The following MLLT6 variants were observed in gnomAD, a reference collection of about 807,000 sequenced individuals.
MLLT6 encodes protein AF-17.
Under a neutral mutation model 103.0 loss-of-function variants are expected in MLLT6, and 22 were observed. The observed-to-expected ratio is 0.21, with a 90% confidence interval of 0.15 to 0.31. MLLT6 has a LOEUF of 0.31. MLLT6 is among the 10% of genes least tolerant of loss of function. The probability of loss-of-function intolerance (pLI) is 1.00; values close to 1 mark genes in which losing one functional copy is unlikely to be tolerated. For synonymous variants in MLLT6, 606 were observed against 623.5 expected (o/e 0.97, Z 0.42); for missense variants, 1,199 against 1,441.7 (o/e 0.83, Z 2.73).
intron 4 of MLLT6, 44 bp downstream of exon 4, chr17:38,707,916 T>A: frequency 8.4e-7 from 1 of 1,196,928 alleles, no homozygotes; most frequent in Non-Finnish European, 1.2e-6. Context: ...CCCTCCCATC[T>A]ATGGGTTCCT....
chr17:38,719,047 AGCTGCAGTCATTAAGG>A (rs1905519590), intron 12 of MLLT6: 1 of 202,082 alleles, frequency 4.9e-6, no homozygotes, highest in Admixed American at 5.7e-5. Flanking sequence ...TTATGATAAT[AGCTGCAGTCATTAAGG>A]GCTTGCTACA....
Position 38,716,270 on chromosome 17 carries a change from T to C in MLLT6, c.1037-97T>C. 2.3e-6 allele frequency: 3 copies of C among 1,311,466 alleles called. No homozygotes were observed. Among genetic ancestry groups the C allele is most frequent in the Non-Finnish European group, 3.2e-6 (3 of 944,258 alleles). 81.2% of individuals were successfully genotyped at this position (1,311,466 alleles called of 1,614,324 possible). A position where few individuals can be genotyped will look rare whatever the true frequency, so the allele number is the denominator to read the frequency against. ...TGAGACAGGAAACCAGGCATCCCCA[T>C]TCGTGGACCAGAGCTCTCTCCCGCC... is the stretch of plus-strand genomic sequence containing the variant. On this transcript the variant is annotated intron_variant, in intron 9 of 19. Transcript: ENST00000621332. The surrounding 1 kb of genome is among the most constrained non-coding windows in gnomAD (Gnocchi z 5.6).
In MLLT6 at chr17:38,709,439, T is replaced by G. The variant is rs1168155262; in HGVS notation, c.459-43T>G. ...GAGGGTGAGAGGAAGGTGGCTCATG[T>G]GATCTGTGGCCTCAGCCGTCTCAGG... On this transcript the variant is annotated intron_variant, in intron 5 of 19. Transcript: ENST00000621332. The surrounding 1 kb of genome is among the most constrained non-coding windows in gnomAD (Gnocchi z 4.3). 1.3e-6 allele frequency: 2 copies of G among 1,558,162 alleles called. No individual in the cohort carries two copies. Among genetic ancestry groups the G allele is most frequent in the Non-Finnish European group, 1.8e-6 (2 of 1,129,014 alleles).
Position 38,726,242 on chromosome 17 carries a change from G to A in MLLT6, c.*644G>A, listed in dbSNP as rs1320615159. The A allele has an allele frequency of 2.1e-5, 5 of 234,058 alleles. No individual in the cohort carries two copies. Among genetic ancestry groups the A allele is most frequent in the Non-Finnish European group, 4.2e-5 (5 of 118,396 alleles). The allele number at this position is 234,058 out of a possible 1,614,324, so 14.5% of individuals were successfully genotyped here. On this transcript the variant is annotated 3_prime_UTR_variant, in exon 20 of 20. Transcript: ENST00000621332. Reference sequence around the variant, plus strand: ...TCTTGGGGCCCCGTGATGGGGAGGAGAGGGCAGGTGCGGGGAGGCTCTGGC... The same window carrying A: ...TCTTGGGGCCCCGTGATGGGGAGGAAAGGGCAGGTGCGGGGAGGCTCTGGC...
chr17:38,716,559 C>T lies in MLLT6; in HGVS notation c.1229C>T (p.Ser410Phe). The change falls in exon 10 of 20, where the codon TCC becomes TTC. Residue 410 changes from serine (S) to phenylalanine (F), a missense_variant. Transcript: ENST00000621332. The surrounding 1 kb of genome is among the most constrained non-coding windows in gnomAD (Gnocchi z 5.6). The stretch of plus-strand genomic sequence containing the variant: ...GGCTTTGGGCCCATCATGCGCTTCT[C>T]CACCACCACCTCCAGCTCAGGCCGG... Reference protein sequence around the residue: ...FSGFGPIMRFSTTTSSSGRAR... With the variant: ...FSGFGPIMRFFTTTSSSGRAR... The T allele has an allele frequency of 6.2e-7, 1 of 1,614,140 alleles. No individual in the cohort carries two copies. The highest frequency in any genetic ancestry group is 8.5e-7 in the Non-Finnish European group (1 of 1,180,028).
rs938770516 is a variant in MLLT6 at position 38,724,402 on chromosome 17, T to C, written c.2884-218T>C. 7.8e-6 allele frequency: 4 copies of C among 512,470 alleles called. No homozygotes were observed. The highest frequency in any genetic ancestry group is 5.9e-5 in the African/African-American group (3 of 51,110). 31.7% of individuals were successfully genotyped at this position (512,470 alleles called of 1,614,324 possible). On this transcript the variant is annotated intron_variant, in intron 18 of 19. Transcript: ENST00000621332. This position sits in a 1 kb window ranked among gnomAD's most constrained non-coding sequence, Gnocchi z 5.4. ...ATACCCTGCTGTTGGCCGGCAGTGC[T>C]GCAGCTGGCAAATACCAATGGCGTG...
chr17:38,708,791 A>G (rs1905037183), intron 4 of MLLT6, among the ~76,000 whole-genome samples: 1 of 152,156 alleles, frequency 6.6e-6, no homozygotes, highest in African/African-American at 2.4e-5. Context: ...GCTACTCGGG[A>G]GGTTGAGGCA....
At chr17:38,719,974 C>T (rs1905610458) in intron 14 of MLLT6, 79 bp downstream of exon 14, 1 of 1,472,818 alleles carries the variant, frequency 6.8e-7, no homozygotes, top group Non-Finnish European at 9.0e-7. Context: ...CCCCAAGCTT[C>T]TTTAAGGTTC....
chr17:38,705,756 C>CGCGGGGGGCG lies in MLLT6; in HGVS notation c.109+21_109+30dup, dbSNP rs780639028. ...CGTCCACCAAGGTACGGGGGTGGCC[C>CGCGGGGGGCG]GCGGGGGGCGGCGGGACCCCGGGGG... On this transcript the variant is annotated intron_variant, in intron 1 of 19. Coordinates refer to ENST00000621332, the MANE Select transcript of MLLT6 (RefSeq NM_005937.4). 3.0e-6 allele frequency: 4 copies of CGCGGGGGGCG among 1,318,944 alleles called. No homozygotes were observed. The highest frequency in any genetic ancestry group is 3.0e-6 in the Non-Finnish European group (3 of 1,010,846). 81.7% of individuals were successfully genotyped at this position (1,318,944 alleles called of 1,614,324 possible). A position where few individuals can be genotyped will look rare whatever the true frequency, so the allele number is the denominator to read the frequency against.
intron 7 of MLLT6, 194 bp downstream of exon 7, chr17:38,712,208 C>A: frequency 2.7e-6 from 2 of 737,518 alleles, no homozygotes; most frequent in Non-Finnish European, 3.3e-6. Context: ...TTCCCTGTGG[C>A]TGTGTTAGTG....
chr17:38,711,861 C>G lies in MLLT6; in HGVS notation c.567C>G (p.His189Gln). 1.3e-6 allele frequency: 2 copies of G among 1,576,478 alleles called. No homozygotes were observed. Among genetic ancestry groups the G allele is most frequent in the Non-Finnish European group, 1.7e-6 (2 of 1,161,420 alleles). ...CTCTCCCGCAGAAGACATCCCGGCA[C>G]AGCAGCGGGGGAGGCGGAGGAGGCG... The part of the protein sequence containing the change: ...YHFSKMKTSR[H>Q]SSGGGGGGAG... The change falls in exon 7 of 20, where the codon CAC (histidine) becomes CAG (glutamine). Residue 189 changes from histidine to glutamine, a missense_variant. Around this residue, in one of 7 missense-constraint regions of MLLT6, gnomAD observed 1,034 missense variants for 1,091.5 expected, o/e 0.95. Coordinates refer to ENST00000621332, the MANE Select transcript of MLLT6 (RefSeq NM_005937.4).
chr17:38,708,615 G>C (rs150257952), intron 4 of MLLT6, among the ~76,000 whole-genome samples: 1 of 152,224 alleles, frequency 6.6e-6, no homozygotes, highest in African/African-American at 2.4e-5. Context: ...ATTAAAAGCA[G>C]GCTGGGTGTG....
chr17:38,718,689 G>A (rs1306845527), intron 12 of MLLT6: 3 of 152,322 alleles, frequency 2.0e-5, no homozygotes, highest in Admixed American at 2.0e-4. Flanking sequence ...CCTTGGCTTC[G>A]TAGTGTGTCT....
In MLLT6 at chr17:38,725,911, C is replaced by T. The variant is rs565164296; in HGVS notation, c.*313C>T. 12 of 405,664 alleles carry T rather than the reference C, an allele frequency of 3.0e-5. No homozygotes were observed. The highest frequency in any genetic ancestry group is 6.0e-4 in the Middle Eastern group (1 of 1,654). The allele number at this position is 405,664 out of a possible 1,614,324, so 25.1% of individuals were successfully genotyped here. On this transcript the variant is annotated 3_prime_UTR_variant, in exon 20 of 20. Transcript: ENST00000621332. ...GGTCCCCCCAGAGAGCAGAGTGGGCCATGGCAGAAGTAGGGGGTTGGTTGG... is the reference window on the plus strand; with the variant it reads ...GGTCCCCCCAGAGAGCAGAGTGGGCTATGGCAGAAGTAGGGGGTTGGTTGG...
At chr17:38,717,785 C>G (rs1196296109) in intron 11 of MLLT6, 60 bp from the exon 12 acceptor site, 2 of 1,461,626 alleles carry the variant, frequency 1.4e-6, no homozygotes, top group Non-Finnish European at 1.9e-6. Flanking sequence ...CACCCCGGTA[C>G]ACACAGTTGT....
At chr17:38,711,550 C>T (rs926139631) in intron 6 of MLLT6, among the ~76,000 whole-genome samples, 1 of 152,112 alleles carries the variant, frequency 6.6e-6, no homozygotes, top group Admixed American at 6.5e-5. Flanking sequence ...GAATGAAAGA[C>T]CCGGGCCCCA....
At position 38,725,852 on chromosome 17, in the gene MLLT6, G is replaced by A. The variant is rs35645098; in HGVS notation, c.*254G>A. The A allele has an allele frequency of 6.2e-6, 3 of 480,510 alleles. No individual in the cohort carries two copies. The highest frequency in any genetic ancestry group is 7.2e-6 in the Non-Finnish European group (2 of 276,298). The allele number at this position is 480,510 out of a possible 1,614,324, so 29.8% of individuals were successfully genotyped here. ...CAGAGGAAGGACAGTCTGCAAGCCC[G>A]CCTAGGAGGTCCATCCCCAGCAAAT... On this transcript the variant is annotated 3_prime_UTR_variant, in exon 20 of 20. Coordinates refer to ENST00000621332, the MANE Select transcript of MLLT6 (RefSeq NM_005937.4).
intron 19 of MLLT6, chr17:38,725,292 C>T (rs1441765748): frequency 3.7e-6 from 2 of 542,796 alleles, no homozygotes; most frequent in Non-Finnish European, 6.5e-6. Flanking sequence ...TCTGGGTAGG[C>T]CAATGTCAGA....
intron 8 of MLLT6, chr17:38,714,457 G>A (rs1905245753): frequency 6.6e-6 from 1 of 152,306 alleles, no homozygotes; most frequent in Non-Finnish European, 1.5e-5. Flanking sequence ...TGGCAGTGAG[G>A]CCAGGCGTGG....
Sources: gnomAD v4.1 joint callset for allele counts (sites outside exome capture counted in the v4.1 genomes callset) on GRCh38, gnomAD v4.1.1 for gene constraint, gnomAD v4.1.1 regional missense constraint, Gnocchi (gnomAD v3.1) non-coding constraint, MANE v1.5 for transcripts, NCBI Gene and HGNC (gene_info 2026-07-23, HGNC 2026-07-21) for gene names.